Variants in PUS10 observed in about 807,000 individuals in gnomAD.
PUS10 encodes the protein tRNA pseudouridine synthase Pus10.
PUS10 carries 59 observed loss-of-function variants against 75.0 expected under a neutral mutation model. The ratio of observed to expected loss-of-function variants is 0.79; its 90% CI spans 0.64 to 0.98. The LOEUF is 0.98. PUS10 is among the 50% of genes least tolerant of loss of function. The pLI is 0.00. For missense variants in PUS10, 650 were observed against 614.4 expected, an observed-to-expected ratio of 1.06 and a Z score of -0.61; for synonymous variants, 219 against 211.6, an observed-to-expected ratio of 1.03 and a Z score of -0.30.
chr2:60,994,876 G>T (rs1353749734), intron 4 of PUS10, among the ~76,000 whole-genome samples: 4 of 152,214 alleles, frequency 2.6e-5, no homozygotes, highest in African/African-American at 9.7e-5. Context: ...ATCACCTGAG[G>T]TCAGGAGTTT....
intron 5 of PUS10, 101 bp from the exon 6 acceptor site, chr2:60,967,714 T>C (rs1676428359): frequency 1.3e-6 from 1 of 753,708 alleles, no homozygotes; most frequent in African/African-American, 1.8e-5. Flanking sequence ...ATTGAGTGCC[T>C]AGTATGTACC....
chr2:60,989,293 T>C (rs777580790), intron 4 of PUS10, among the ~76,000 whole-genome samples: 5 of 152,170 alleles, frequency 3.3e-5, no homozygotes, highest in African/African-American at 7.2e-5. Context: ...CCTACCCCAC[T>C]CCATGCAGCC....
chr2:60,971,519 T>C lies in PUS10; in HGVS notation c.503+4A>G. On this transcript the variant is annotated splice_donor_region_variant and intron_variant, in intron 5 of 17. Transcript: ENST00000316752. The stretch of plus-strand genomic sequence containing the variant: ...AGTAAAAATTCCCTACCTAAATTAC[T>C]TACCCCATTTCCTGTTTTACCAGCA... 6.2e-7 allele frequency: 1 copy of C among 1,613,358 alleles called. No individual in the cohort carries two copies. The highest frequency in any genetic ancestry group is 8.5e-7 in the Non-Finnish European group (1 of 1,179,366).
At chr2:60,991,927 G>GCC (rs1368338939) in intron 4 of PUS10, among the ~76,000 whole-genome samples, 1 of 151,978 alleles carries the variant, frequency 6.6e-6, no homozygotes, top group Non-Finnish European at 1.5e-5. Flanking sequence ...CCTGGGGCCA[G>GCC]ACCAATAAAG....
chr2:60,996,047 C>T (rs966349136), intron 4 of PUS10, among the ~76,000 whole-genome samples: 1 of 152,306 alleles, frequency 6.6e-6, no homozygotes, highest in East Asian at 1.9e-4. Flanking sequence ...ATCCTGAATC[C>T]AATATACATT....
At position 60,965,010 on chromosome 2, in the gene PUS10, G is replaced by C. The variant is rs753154089; in HGVS notation, c.723+48C>G. 4.5e-6 allele frequency: 7 copies of C among 1,542,884 alleles called. No homozygotes were observed. The African/African-American group carries it at 9.6e-5, about 21-fold the overall frequency. Reference sequence around the variant, plus strand: ...TTTTTGTTGGAAATTTGAATATTCAGCTCAGACAAAACTCACTCAAGACTA... The same window carrying C: ...TTTTTGTTGGAAATTTGAATATTCACCTCAGACAAAACTCACTCAAGACTA... On this transcript the variant is annotated intron_variant, in intron 8 of 17. Coordinates refer to ENST00000316752, the MANE Select transcript of PUS10 (RefSeq NM_144709.4).
intron 11 of PUS10, among the ~76,000 whole-genome samples, chr2:60,956,282 A>G (rs937895671): frequency 6.6e-6 from 1 of 152,230 alleles, no homozygotes; most frequent in Admixed American, 6.5e-5. Context: ...AACAGACTCA[A>G]CCTGTAGTGC....
chr2:60,984,668 T>C (rs1677608613), intron 4 of PUS10, among the ~76,000 whole-genome samples: 1 of 152,258 alleles, frequency 6.6e-6, no homozygotes, highest in African/African-American at 2.4e-5. Flanking sequence ...CTGAATATTC[T>C]TCAACTGGAT....
chr2:61,005,043 T>C (rs1333615388), intron 4 of PUS10, among the ~76,000 whole-genome samples: 1 of 152,056 alleles, frequency 6.6e-6, no homozygotes, highest in Non-Finnish European at 1.5e-5. Context: ...TCACCTGAGG[T>C]CGGGTGTCGG....
chr2:60,949,036 C>A (rs1675171941), intron 15 of PUS10, among the ~76,000 whole-genome samples: 1 of 152,180 alleles, frequency 6.6e-6, no homozygotes, highest in East Asian at 1.9e-4. Context: ...TCTCCTCTAT[C>A]AAGTTCTCCA....
intron 3 of PUS10, 95 bp downstream of exon 3, chr2:61,008,666 T>C (rs1679396104): frequency 1.9e-6 from 2 of 1,056,482 alleles, no homozygotes; most frequent in African/African-American, 3.2e-5. Context: ...AAAAGAATTG[T>C]CTTGTCTTGA....
At chr2:61,008,046 C>T (rs577736091) in intron 3 of PUS10, among the ~76,000 whole-genome samples, 5 of 150,644 alleles carry the variant, frequency 3.3e-5, no homozygotes, top group African/African-American at 7.3e-5. Flanking sequence ...CACTGTGCTC[C>T]GGCCTGGGCA....
intron 4 of PUS10, among the ~76,000 whole-genome samples, chr2:60,986,675 AAC>A (rs1296932634): frequency 1.3e-5 from 2 of 152,214 alleles, no homozygotes; most frequent in African/African-American, 4.8e-5. Flanking sequence ...TTCCAATATA[AAC>A]AGTTAACTCT....
intron 11 of PUS10, 94 bp downstream of exon 11, chr2:60,960,298 C>T (rs979424531): frequency 7.1e-5 from 67 of 940,114 alleles, no homozygotes; most frequent in Non-Finnish European, 9.0e-5. Flanking sequence ...AAGCTGTGAT[C>T]GTGCTACTGC....
intron 3 of PUS10, 106 bp from the exon 4 acceptor site, chr2:61,006,749 C>A (rs1679238840): frequency 1.3e-6 from 1 of 790,360 alleles, no homozygotes; most frequent in South Asian, 1.8e-5. Context: ...CATGGCAAAA[C>A]TTCCAAACTT....
At chr2:60,971,865 C>CTTTTTTTT (rs756222357) in intron 4 of PUS10, among the ~76,000 whole-genome samples, 19 of 99,610 alleles carry the variant, frequency 1.9e-4, no homozygotes, top group South Asian at 3.0e-4. Flanking sequence ...TCTTTCTTCT[C>CTTTTTTTT]TTTTTTTTTT....
intron 4 of PUS10, among the ~76,000 whole-genome samples, chr2:61,003,651 C>T (rs1287394100): frequency 6.7e-6 from 1 of 150,014 alleles, no homozygotes; most frequent in East Asian, 2.0e-4. Flanking sequence ...TCCAAGCAAT[C>T]CCCCCACCTT....
At chr2:60,995,854 T>C (rs929419370) in intron 4 of PUS10, among the ~76,000 whole-genome samples, 1 of 152,242 alleles carries the variant, frequency 6.6e-6, no homozygotes, top group Non-Finnish European at 1.5e-5. Flanking sequence ...GGCTACCTCA[T>C]GTTCTGAATG....
intron 16 of PUS10, 71 bp from the exon 17 acceptor site, chr2:60,945,179 AAAT>A (rs1276811517): frequency 6.0e-5 from 55 of 909,770 alleles, no homozygotes; most frequent in Non-Finnish European, 8.8e-5. Flanking sequence ...TGACAGGCAA[AAAT>A]AATAATAAGA....
Sources: gnomAD v4.1 joint callset for allele counts (sites outside exome capture counted in the v4.1 genomes callset) on GRCh38, gnomAD v4.1.1 for gene constraint, MANE v1.5 for transcripts, NCBI Gene and HGNC (gene_info 2026-07-23, HGNC 2026-07-21) for gene names.